PNPLA8: variants seen among roughly 807,000 people sequenced by gnomAD.
PNPLA8 encodes the protein calcium-independent phospholipase A2-gamma.
A neutral mutation model predicts 76.9 loss-of-function variants in PNPLA8; 39 were observed. That is an observed-to-expected ratio of 0.51 (90% confidence interval 0.39 to 0.66). The LOEUF (loss-of-function observed/expected upper bound fraction) is 0.66, where lower values mean the gene tolerates loss of function less well. Among genes scored for constraint, PNPLA8 ranks in the 30% least tolerant of loss-of-function variants. The probability of loss-of-function intolerance (pLI) is 0.00; values close to 1 mark genes in which losing one functional copy is unlikely to be tolerated. For missense variants in PNPLA8, 887 were observed against 918.0 expected (o/e 0.97, Z 0.44); for synonymous variants, 301 against 307.9 (o/e 0.98, Z 0.24).
chr7:108,511,507 A>C, intron 4 of PNPLA8, among the ~76,000 whole-genome samples: 1 of 152,212 alleles, frequency 6.6e-6, no homozygotes, highest in African/African-American at 2.4e-5. Flanking sequence ...AGGAAATGAA[A>C]AGGAAAGAGG....
chr7:108,522,654 A>T (rs751893510), intron 1 of PNPLA8, among the ~76,000 whole-genome samples: 2 of 152,054 alleles, frequency 1.3e-5, no homozygotes, highest in Non-Finnish European at 2.9e-5. Context: ...AACTCGACAA[A>T]ATTTTCTAGA....
At chr7:108,511,039 G>GAAAA in intron 4 of PNPLA8, 2 of 331,626 alleles carry the variant, frequency 6.0e-6, no homozygotes, top group South Asian at 1.0e-4. Context: ...CTCTCAAATT[G>GAAAA]GAAAAAAAAA....
rs1468346067 is a variant in PNPLA8 at position 108,475,969 on chromosome 7, T to C, written c.2074+3215A>G. 2.0e-5 allele frequency among the ~76,000 whole-genome samples: 3 copies of C among 152,230 alleles called. No homozygotes were observed. The East Asian group carries it at 5.8e-4, about 29-fold the overall frequency. ...ACTCTCTTTTAAAATGTCCAAATCC[T>C]ATACATCCTTTAAGACCCATATCAA... On this transcript the variant is annotated intron_variant, in intron 10 of 10. Coordinates refer to ENST00000257694, the MANE Select transcript of PNPLA8 (RefSeq NM_001256007.3).
Position 108,514,150 on chromosome 7 carries a change from AG to A in PNPLA8, c.1199del (p.Ala400ValfsTer13), listed in dbSNP as rs1207630081. On this transcript the variant is annotated frameshift_variant, in exon 4 of 11. Transcript: ENST00000257694. LOFTEE classifies it high-confidence loss of function. ...LLEFPEGKGV[A>X]VKERIIPYLL... is the part of the protein sequence containing the mutation. ...TAAATAAATTAGAAATTACCTTGAC[AG>A]CCACTCCTTTTCCTTCAGGAAATTC... The A allele has an allele frequency of 6.3e-7, 1 of 1,595,256 alleles. No individual in the cohort carries two copies. Among genetic ancestry groups the A allele is most frequent in the Admixed American group, 1.7e-5 (1 of 57,388 alleles).
chr7:108,482,458 T>C (rs1181701789), intron 9 of PNPLA8, among the ~76,000 whole-genome samples: 1 of 152,174 alleles, frequency 6.6e-6, no homozygotes, highest in Non-Finnish European at 1.5e-5. Context: ...GGCACCAGAG[T>C]GAGACTCTGT....
In PNPLA8 at chr7:108,514,458, C is replaced by T. The variant is rs200653541; in HGVS notation, c.1034G>A (p.Arg345His). The change falls in exon 3 of 11, where the codon CGT (arginine) becomes CAT (histidine). Residue 345 changes from arginine to histidine, a missense_variant. By Grantham distance (29) the Arg-to-His change is conservative. Coordinates refer to ENST00000257694, the MANE Select transcript of PNPLA8 (RefSeq NM_001256007.3). ...TGCCTTTTCTCGCTGAAGAGATAAA[C>T]GCTTTTTCTCCTCTGCATTTCTGTC... ...SKDRNAEEKK[R>H]LSLQREKIIA... 53 of 1,610,130 alleles carry T rather than the reference C, an allele frequency of 3.3e-5. No homozygotes were observed. The highest frequency in any genetic ancestry group is 3.9e-5 in the Non-Finnish European group (46 of 1,178,456).
chr7:108,505,507 C>T (rs1208279250), intron 4 of PNPLA8, among the ~76,000 whole-genome samples: 9 of 149,974 alleles, frequency 6.0e-5, no homozygotes, highest in Admixed American at 4.0e-4. Context: ...GAACTACAGG[C>T]GCACGCCACC....
intron 5 of PNPLA8, among the ~76,000 whole-genome samples, chr7:108,500,113 T>C (rs1293226008): frequency 6.6e-6 from 1 of 152,332 alleles, no homozygotes; most frequent in East Asian, 1.9e-4. Flanking sequence ...GTTTGCTCAC[T>C]GTCCCCAGGA....
At chr7:108,476,168 T>C (rs1269052442) in intron 10 of PNPLA8, among the ~76,000 whole-genome samples, 1 of 152,226 alleles carries the variant, frequency 6.6e-6, no homozygotes, top group African/African-American at 2.4e-5. Context: ...TGTTATATCT[T>C]ATAACAGCAA....
In PNPLA8 at chr7:108,515,580, ATGGC is replaced by A; in HGVS notation, c.-83-10_-83-7del. ...GCCATAATTCATGGTCTTACCTGAA[ATGGC>A]AAGAAAAAAAATTAGAATTCAAGTT... On this transcript the variant is annotated splice_polypyrimidine_tract_variant and splice_region_variant and intron_variant, in intron 2 of 10. Transcript: ENST00000257694. The A allele has an allele frequency of 7.9e-7, 1 of 1,263,286 alleles. No homozygotes were observed. The highest frequency in any genetic ancestry group is 1.0e-6 in the Non-Finnish European group (1 of 1,002,206). 78.3% of individuals were successfully genotyped at this position (1,263,286 alleles called of 1,614,324 possible).
chr7:108,487,532 CACACTATATAAA>C lies in PNPLA8; in HGVS notation c.1878+215_1878+226del, dbSNP rs368526297. ...AAAATTATCATAATGGGCTACGAATCACACTATATAAAACACAAAAACTTTCTTAAAATATGT... is the reference window on the plus strand; with the variant it reads ...AAAATTATCATAATGGGCTACGAATCACACAAAAACTTTCTTAAAATATGT... On this transcript the variant is annotated intron_variant, in intron 9 of 10. Transcript: ENST00000257694. Among the ~76,000 whole-genome samples, 1,163 of 152,222 alleles carry C rather than the reference CACACTATATAAA, an allele frequency of 7.6e-3. 13 individuals are homozygous for C. The highest frequency in any genetic ancestry group is 0.026 in the African/African-American group (1,084 of 41,530).
chr7:108,472,626 T>A lies in PNPLA8; in HGVS notation c.2124A>T (p.Arg708Ser). The change falls in exon 11 of 11, where the codon AGA (arginine) becomes AGT (serine). Residue 708 changes from arginine (R) to serine (S), a missense_variant. Coordinates refer to ENST00000257694, the MANE Select transcript of PNPLA8 (RefSeq NM_001256007.3). ...DGLLPPDTYFRFNPVMCENIP... is the reference protein window; with the variant it reads ...DGLLPPDTYFSFNPVMCENIP... ...TGTTTTCACACATTACAGGATTGAA[T>A]CTAAAATAGGTGTCAGGAGGTAACA... 1 of 1,599,988 alleles carries A rather than the reference T, an allele frequency of 6.3e-7. No individual in the cohort carries two copies. Among genetic ancestry groups the A allele is most frequent in the Non-Finnish European group, 8.5e-7 (1 of 1,176,494 alleles).
At chr7:108,489,285 G>A (rs765223911) in intron 8 of PNPLA8, among the ~76,000 whole-genome samples, 5 of 152,300 alleles carry the variant, frequency 3.3e-5, no homozygotes, top group Non-Finnish European at 7.3e-5. Context: ...GAGGCCCTGC[G>A]TCTGATCTAA....
chr7:108,473,507 T>C (rs1368929947), intron 10 of PNPLA8, among the ~76,000 whole-genome samples: 1 of 152,212 alleles, frequency 6.6e-6, no homozygotes, highest in Non-Finnish European at 1.5e-5. Flanking sequence ...CTTCCATTTT[T>C]GTATTCCAAC....
intron 1 of PNPLA8, among the ~76,000 whole-genome samples, chr7:108,524,434 A>C (rs1355351179): frequency 6.6e-6 from 1 of 152,184 alleles, no homozygotes; most frequent in Non-Finnish European, 1.5e-5. Flanking sequence ...ACCCTGAAAA[A>C]ATCAGGACAC....
chr7:108,479,433 C>A lies in PNPLA8; in HGVS notation c.1879-54G>T, dbSNP rs538664107. On this transcript the variant is annotated intron_variant, in intron 9 of 10. Coordinates refer to ENST00000257694, the MANE Select transcript of PNPLA8 (RefSeq NM_001256007.3). ...TTTTAAAACTGACTCACGGGGAAAG[C>A]TGAACTATGTAATAAGCTAAATAAA... The A allele has an allele frequency of 4.9e-6, 6 of 1,214,504 alleles. No individual in the cohort carries two copies. The Admixed American group carries it at 1.2e-4, about 24-fold the overall frequency. 75.2% of individuals were successfully genotyped at this position (1,214,504 alleles called of 1,614,324 possible).
At chr7:108,478,084 A>C (rs1860125468) in intron 10 of PNPLA8, among the ~76,000 whole-genome samples, 1 of 152,192 alleles carries the variant, frequency 6.6e-6, no homozygotes, top group Admixed American at 6.5e-5. Context: ...GCTGTAAGAG[A>C]AAAAGAGAAA....
At chr7:108,526,812 C>T (rs1020953914), upstream of PNPLA8, among the ~76,000 whole-genome samples, 7 of 152,174 alleles carry the variant, frequency 4.6e-5, no homozygotes, top group Admixed American at 6.5e-5. Context: ...AAACTACAGC[C>T]CTCAGGGCAA....
At chr7:108,497,685 A>G (rs1598912142) in intron 5 of PNPLA8, 108 bp from the exon 6 acceptor site, 1 of 490,528 alleles carries the variant, frequency 2.0e-6, no homozygotes, top group Admixed American at 4.3e-5. Flanking sequence ...ATATGCTAAC[A>G]TGAAAATTAA....
Sources: allele counts gnomAD v4.1 joint callset (sites outside exome capture counted in the v4.1 genomes callset), GRCh38; gene constraint gnomAD v4.1.1; transcripts MANE v1.5; gene names NCBI Gene and HGNC (gene_info 2026-07-23, HGNC 2026-07-21).